Variants in CALN1 observed in about 807,000 individuals in gnomAD.
CALN1 encodes the protein calneuron 1.
CALN1 carries 17 observed loss-of-function variants against 30.6 expected under a neutral mutation model. The ratio of observed to expected loss-of-function variants is 0.56; its 90% CI spans 0.38 to 0.83. The LOEUF (loss-of-function observed/expected upper bound fraction) is 0.83, where lower values mean the gene tolerates loss of function less well. Ranked by LOEUF, CALN1 falls within the 40% of genes least tolerant of loss-of-function variation. CALN1 has a pLI of 0.00. For missense variants in CALN1, 291 were observed against 354.9 expected, an observed-to-expected ratio of 0.82 and a Z score of 1.45; for synonymous variants, 156 against 131.4, an observed-to-expected ratio of 1.19 and a Z score of -1.28.
At chr7:72,494,794 G>A in the CALN1 span, among the ~76,000 whole-genome samples, 1 of 152,158 alleles carries the variant, frequency 6.6e-6, no homozygotes, top group Non-Finnish European at 1.5e-5. Flanking sequence ...TGGAGCTCAA[G>A]AGTTCGAGGC....
chr7:72,397,712 T>TCACACACACACACACA lies in CALN1; in HGVS notation c.119+5538_119+5539insTGTGTGTGTGTGTGTG, dbSNP rs1248212217. Among the ~76,000 whole-genome samples, 207 of 70,264 alleles carry TCACACACACACACACA rather than the reference T, an allele frequency of 2.9e-3. 1 individual carries two copies. The highest frequency in any genetic ancestry group is 3.1e-3 in the Non-Finnish European group (109 of 34,640). The allele number at this position is 70,264 out of a possible 152,430, so 46.1% of individuals were successfully genotyped here. A position where few individuals can be genotyped will look rare whatever the true frequency, so the allele number is the denominator to read the frequency against. On this transcript the variant is annotated intron_variant, in intron 2 of 6. Coordinates refer to ENST00000395275, the MANE Select transcript of CALN1 (RefSeq NM_031468.4). The stretch of plus-strand genomic sequence containing the variant: ...GGGATCTTGGAGAGCACCCATTCTC[T>TCACACACACACACACA]CTCACACACACACACACACACACAC...
Position 72,032,523 on chromosome 7 carries a change from C to T in CALN1, c.389-8754G>A, listed in dbSNP as rs374894470. Among the ~76,000 whole-genome samples, 14 of 152,262 alleles carry T rather than the reference C, an allele frequency of 9.2e-5. No individual in the cohort carries two copies. In the East Asian group the frequency reaches 1.9e-3, roughly 21 times the overall value. ...TGGTATTAACCCCCGTATTGTACTGCCTTCCCTTGATATCAGAGACCCCAG... is the reference window on the plus strand; with the variant it reads ...TGGTATTAACCCCCGTATTGTACTGTCTTCCCTTGATATCAGAGACCCCAG... On this transcript the variant is annotated intron_variant, in intron 4 of 6. Coordinates refer to ENST00000395275, the MANE Select transcript of CALN1 (RefSeq NM_031468.4).
At chr7:72,161,424 A>G (rs73130014) in intron 3 of CALN1, among the ~76,000 whole-genome samples, 1 of 152,324 alleles carries the variant, frequency 6.6e-6, no homozygotes, top group Non-Finnish European at 1.5e-5. Flanking sequence ...ATAATGTCAT[A>G]AATCAGTTGA....
At chr7:72,112,379 A>G (rs1807643073) in intron 3 of CALN1, among the ~76,000 whole-genome samples, 1 of 152,210 alleles carries the variant, frequency 6.6e-6, no homozygotes, top group African/African-American at 2.4e-5. Flanking sequence ...CTTCACAGAA[A>G]TATATCTTCA....
chr7:72,152,318 T>C (rs970441243), intron 3 of CALN1, among the ~76,000 whole-genome samples: 4 of 152,224 alleles, frequency 2.6e-5, no homozygotes, highest in Admixed American at 1.3e-4. Flanking sequence ...GTTCTGTTTA[T>C]GCCAAGATGA....
At chr7:71,993,710 G>A (rs150912046) in intron 5 of CALN1, among the ~76,000 whole-genome samples, 263 of 152,152 alleles carry the variant, frequency 1.7e-3, no homozygotes, top group Non-Finnish European at 3.1e-3. Flanking sequence ...ACCTGCCTTC[G>A]CCTCCCAAAG....
At chr7:71,932,616 A>T (rs1196879318) in intron 5 of CALN1, among the ~76,000 whole-genome samples, 1 of 152,012 alleles carries the variant, frequency 6.6e-6, no homozygotes, top group East Asian at 1.9e-4. Context: ...GATCAAGACC[A>T]TCCTGGCTAA....
chr7:71,968,400 G>T (rs1797630276), intron 5 of CALN1, among the ~76,000 whole-genome samples: 1 of 152,120 alleles, frequency 6.6e-6, no homozygotes, highest in Admixed American at 6.5e-5. Flanking sequence ...TGACTCCAAA[G>T]GTACATGAGG....
rs141343401 is a variant in CALN1 at position 72,211,527 on chromosome 7, A to G, written c.244+67159T>C. ...ACTTACTCCTATCATAGTTCAGGGT[A>G]CCCATCTGCAAAATGATGATGATCC... On this transcript the variant is annotated intron_variant, in intron 3 of 6. Transcript: ENST00000395275. Among the ~76,000 whole-genome samples the G allele has an allele frequency of 1.3e-4, 20 of 152,184 alleles. No individual in the cohort carries two copies. The East Asian group carries it at 3.9e-3, about 29-fold the overall frequency.
chr7:71,921,773 T>A (rs533112560), intron 5 of CALN1, among the ~76,000 whole-genome samples: 7 of 152,260 alleles, frequency 4.6e-5, no homozygotes, highest in African/African-American at 1.7e-4. Context: ...GGACACATAA[T>A]CTGTCCTTGG....
At chr7:72,014,151 G>C (rs933721334) in intron 5 of CALN1, among the ~76,000 whole-genome samples, 4 of 147,564 alleles carry the variant, frequency 2.7e-5, no homozygotes, top group Admixed American at 1.4e-4. Context: ...CAGTGGCTTG[G>C]TCTCAGCTCA....
chr7:72,264,066 C>T (rs1011141133), intron 3 of CALN1, among the ~76,000 whole-genome samples: 1 of 152,148 alleles, frequency 6.6e-6, no homozygotes, highest in Admixed American at 6.5e-5. Context: ...GTCCCTCATG[C>T]TAAAAGTTCC....
chr7:72,278,638 A>C (rs748379524), intron 3 of CALN1, 48 bp downstream of exon 3: 1 of 1,588,466 alleles, frequency 6.3e-7, no homozygotes, highest in East Asian at 2.3e-5. Context: ...AGCCAGAAAC[A>C]CCTCCCTGGG....
At chr7:71,854,843 A>C (rs1790851806) in intron 5 of CALN1, among the ~76,000 whole-genome samples, 1 of 152,344 alleles carries the variant, frequency 6.6e-6, no homozygotes, top group Non-Finnish European at 1.5e-5. Flanking sequence ...ATGTGAAGCC[A>C]AGCTTAATTC....
chr7:72,204,789 A>G (rs550265735), intron 3 of CALN1, among the ~76,000 whole-genome samples: 3 of 152,338 alleles, frequency 2.0e-5, no homozygotes, highest in African/African-American at 7.2e-5. Flanking sequence ...TCTTTGCTAC[A>G]GTGTAGAATG....
At chr7:72,232,981 T>C (rs561250514) in intron 3 of CALN1, among the ~76,000 whole-genome samples, 16 of 152,102 alleles carry the variant, frequency 1.1e-4, no homozygotes, top group African/African-American at 3.4e-4. Context: ...GCATGTAACA[T>C]GTTTAGCATG....
At chr7:72,099,990 C>T (rs1325803733) in intron 4 of CALN1, among the ~76,000 whole-genome samples, 3 of 151,972 alleles carry the variant, frequency 2.0e-5, no homozygotes, top group Non-Finnish European at 4.4e-5. Flanking sequence ...GCTCTTTGAA[C>T]AATATCATCA....
At chr7:72,473,707 C>A in the CALN1 span, among the ~76,000 whole-genome samples, 5 of 151,804 alleles carry the variant, frequency 3.3e-5, no homozygotes, top group East Asian at 9.7e-4. Context: ...ACAAGGCAGG[C>A]GGATCACCTA....
chr7:72,393,198 T>C (rs532130048), intron 2 of CALN1, among the ~76,000 whole-genome samples: 108 of 152,304 alleles, frequency 7.1e-4, no homozygotes, highest in African/African-American at 2.5e-3. Context: ...CTGGGCGCAG[T>C]GGCTCACACC....
Sources: gnomAD v4.1 joint callset for allele counts (sites outside exome capture counted in the v4.1 genomes callset) on GRCh38, gnomAD v4.1.1 for gene constraint, MANE v1.5 for transcripts, NCBI Gene and HGNC (gene_info 2026-07-23, HGNC 2026-07-21) for gene names.